UGT1A10: variants seen among roughly 807,000 people sequenced by gnomAD.
UGT1A10 encodes UDP glucuronosyltransferase family 1 member A10, also known as UDP-glucuronosyltransferase 1A10.
In UGT1A10, 49 loss-of-function variants were observed where a neutral mutation model predicts 45.8. That is an observed-to-expected ratio of 1.07 (90% CI 0.85 to 1.36). UGT1A10 has a LOEUF of 1.36. Among genes scored for constraint, UGT1A10 ranks in the 40% most tolerant of loss-of-function variants. The probability of loss-of-function intolerance (pLI) is 0.00; values close to 1 mark genes in which losing one functional copy is unlikely to be tolerated. For synonymous variants in UGT1A10, 284 were observed against 249.7 expected (o/e 1.14, Z -1.29); for missense variants, 745 against 668.6 (o/e 1.11, Z -1.26).
intron 1 of UGT1A10, chr2:233,755,091 T>A (rs747522597): frequency 1.5e-6 from 2 of 1,335,830 alleles, no homozygotes; most frequent in African/African-American, 3.0e-5. Context: ...ATCGCGTTTC[T>A]ACGCGTCCGA....
intron 4 of UGT1A10, chr2:233,770,377 G>C (rs1211488828): frequency 6.6e-6 from 1 of 152,200 alleles, no homozygotes; most frequent in African/African-American, 2.4e-5. Flanking sequence ...GTTCTGGCCA[G>C]GTACGGTGGC....
intron 1 of UGT1A10, among the ~76,000 whole-genome samples, chr2:233,716,889 C>A (rs991395363): frequency 6.6e-6 from 1 of 152,030 alleles, no homozygotes; most frequent in Non-Finnish European, 1.5e-5. Flanking sequence ...CAGCCCAGAC[C>A]CCTCCTCATC....
rs1692071385 is a variant in UGT1A10, at chr2:233,742,695, T to C, written c.856-24339T>C. 2.0e-5 allele frequency: 3 copies of C among 152,474 alleles called. 1 individual carries two copies. Among genetic ancestry groups the C allele is most frequent in the African/African-American group, 7.3e-5 (3 of 41,134 alleles). 9.4% of individuals were successfully genotyped at this position (152,474 alleles called of 1,614,324 possible). ...TTGTCCTCAGCCTTCAGAGGGAACA[T>C]GCTTCCACCGATTTCAGCTCAGTGA... is the stretch of plus-strand genomic sequence containing the variant. On this transcript the variant is annotated intron_variant, in intron 1 of 4. Coordinates refer to ENST00000344644, the MANE Select transcript of UGT1A10 (RefSeq NM_019075.4).
At chr2:233,727,509 T>C (rs1200856091) in intron 1 of UGT1A10, among the ~76,000 whole-genome samples, 9 of 152,132 alleles carry the variant, frequency 5.9e-5, no homozygotes, top group Non-Finnish European at 1.3e-4. Context: ...AGCCCATGAA[T>C]GTGGGAAGAG....
intron 1 of UGT1A10, among the ~76,000 whole-genome samples, chr2:233,681,049 C>CTTGTGGCTCACCTGTGTCACAA (rs1187980747): frequency 5.3e-5 from 8 of 151,900 alleles, no homozygotes; most frequent in Non-Finnish European, 1.5e-5. Context: ...ACAAGCAGCA[C>CTTGTGGCTCACCTGTGTCACAA]TTGTGGCTCA....
intron 1 of UGT1A10, among the ~76,000 whole-genome samples, chr2:233,676,679 C>G (rs2074368007): frequency 6.6e-6 from 1 of 152,148 alleles, no homozygotes; most frequent in South Asian, 2.1e-4. Context: ...CAGTCCTAGT[C>G]AGGTGTCCTG....
intron 1 of UGT1A10, chr2:233,747,824 CAT>C: frequency 6.2e-7 from 1 of 1,613,548 alleles, no homozygotes; most frequent in Non-Finnish European, 8.5e-7. Context: ...ATTCAGACCA[CAT>C]GACATTCCTG....
chr2:233,747,873 T>C, intron 1 of UGT1A10: 1 of 1,613,590 alleles, frequency 6.2e-7, no homozygotes, highest in Non-Finnish European at 8.5e-7. Context: ...TCTGGCCCTG[T>C]CCTACCTTTG....
chr2:233,672,377 A>G, intron 1 of UGT1A10: 1 of 1,614,114 alleles, frequency 6.2e-7, no homozygotes. Context: ...GTGTTTCTCG[A>G]TCCTTTTGAT....
At chr2:233,660,660 A>C (rs139472545) in intron 1 of UGT1A10, among the ~76,000 whole-genome samples, 78 of 152,324 alleles carry the variant, frequency 5.1e-4, no homozygotes, top group African/African-American at 1.8e-3. Flanking sequence ...TATTTGCATA[A>C]GACGACAGAG....
rs543664272 is a variant in UGT1A10 at position 233,740,192 on chromosome 2, C to A, written c.856-26842C>A. Among the ~76,000 whole-genome samples, 491 of 151,932 alleles carry A rather than the reference C, an allele frequency of 3.2e-3. 4 individuals are homozygous for A. The highest frequency in any genetic ancestry group is 5.8e-3 in the Non-Finnish European group (395 of 68,032). On this transcript the variant is annotated intron_variant, in intron 1 of 4. Transcript: ENST00000344644. ...AACTGTGAGTCAATTAAACCTCTTT[C>A]TTTTATAAATTACCCAGTCTCAGCT...
At chr2:233,719,031 G>C (rs140140394) in intron 1 of UGT1A10, 1,168 of 1,614,166 alleles carry the variant, frequency 7.2e-4, no homozygotes, top group Non-Finnish European at 9.3e-4. Flanking sequence ...GCACATCAAA[G>C]AAGAGAAATT....
At position 233,739,624 on chromosome 2, in the gene UGT1A10, T is replaced by A. The variant is rs572450028; in HGVS notation, c.856-27410T>A. On this transcript the variant is annotated intron_variant, in intron 1 of 4. Transcript: ENST00000344644. ...TTTGTTTTGGCCAGTTTCTCCCATT[T>A]GAAATGGGAACATTTACCCAATTTC... is the stretch of plus-strand genomic sequence containing the variant. 4.6e-5 allele frequency among the ~76,000 whole-genome samples: 7 copies of A among 152,364 alleles called. No individual in the cohort carries two copies. The East Asian group carries it at 1.2e-3, about 25-fold the overall frequency.
intron 1 of UGT1A10, among the ~76,000 whole-genome samples, chr2:233,699,942 G>A (rs1486156944): frequency 6.6e-6 from 1 of 152,228 alleles, no homozygotes; most frequent in African/African-American, 2.4e-5. Flanking sequence ...GTTGAAAGTT[G>A]TACAATGTGT....
chr2:233,768,302 G>A lies in UGT1A10; in HGVS notation c.1158G>A (p.Val386=). The change falls in exon 4 of 5, where the codon GTG becomes GTA. Residue 386 remains valine, a synonymous_variant. Coordinates refer to ENST00000344644, the MANE Select transcript of UGT1A10 (RefSeq NM_019075.4). Reference sequence around the variant, plus strand: ...GCATATGCAATGGCGTTCCCATGGTGATGATGCCCTTGTTTGGTGATCAGA... The same window carrying A: ...GCATATGCAATGGCGTTCCCATGGTAATGATGCCCTTGTTTGGTGATCAGA... ...YESICNGVPM[V]MMPLFGDQMD... is the part of the protein sequence containing the mutation. 1 of 1,614,228 alleles carries A rather than the reference G, an allele frequency of 6.2e-7. No homozygotes were observed. Among genetic ancestry groups the A allele is most frequent in the Non-Finnish European group, 8.5e-7 (1 of 1,180,048 alleles).
chr2:233,692,981 G>A lies in UGT1A10; in HGVS notation c.855+55604G>A, dbSNP rs746849497. 62 of 1,613,094 alleles carry A rather than the reference G, an allele frequency of 3.8e-5. No individual in the cohort carries two copies. The South Asian group carries it at 4.8e-4, about 13-fold the overall frequency. ...TGGAGAGTGAAAACTCTTTATTACC[G>A]TTGTTACTTTAACTCTTTCCAGGAT... On this transcript the variant is annotated intron_variant, in intron 1 of 4. Coordinates refer to ENST00000344644, the MANE Select transcript of UGT1A10 (RefSeq NM_019075.4).
rs533644543 is a variant in UGT1A10 at position 233,772,493 on chromosome 2, T to C, written c.1527T>C (p.Tyr509=). 6.2e-7 allele frequency: 1 copy of C among 1,614,152 alleles called. No individual in the cohort carries two copies. The highest frequency in any genetic ancestry group is 2.2e-5 in the East Asian group (1 of 44,874). The change falls in exon 5 of 5, where the codon TAT becomes TAC. Residue 509 remains tyrosine (Y), a synonymous_variant. Transcript: ENST00000344644. Reference sequence around the variant, plus strand: ...TCATCACCTTTAAATGTTGTGCTTATGGCTACCGGAAATGCTTGGGGAAAA... The same window carrying C: ...TCATCACCTTTAAATGTTGTGCTTACGGCTACCGGAAATGCTTGGGGAAAA... The part of the protein sequence containing the change: ...VAFITFKCCA[Y]GYRKCLGKKG...
chr2:233,747,676 A>G (rs1559392611), intron 1 of UGT1A10: 10 of 1,605,156 alleles, frequency 6.2e-6, no homozygotes, highest in Non-Finnish European at 8.5e-6. Flanking sequence ...GACCCAATTT[A>G]CCTCTGTGGG....
intron 1 of UGT1A10, among the ~76,000 whole-genome samples, chr2:233,688,114 C>T (rs2125539013): frequency 6.6e-6 from 1 of 152,300 alleles, no homozygotes; most frequent in Middle Eastern, 3.4e-3. Context: ...TCTTCTACCC[C>T]TCAGCACTAA....
Sources: gnomAD v4.1 joint callset for allele counts (sites outside exome capture counted in the v4.1 genomes callset) on GRCh38, gnomAD v4.1.1 for gene constraint, MANE v1.5 for transcripts, NCBI Gene and HGNC (gene_info 2026-07-23, HGNC 2026-07-21) for gene names.